FRMD5: variants seen among roughly 807,000 people sequenced by gnomAD.
The protein encoded by FRMD5 is FERM domain containing 5, also known as FERM domain-containing protein 5.
FRMD5 carries 20 observed loss-of-function variants against 69.0 expected under a neutral mutation model. The observed-to-expected ratio is 0.29, with a 90% CI of 0.20 to 0.42. FRMD5 has a LOEUF of 0.42. Ranked by LOEUF, FRMD5 falls within the 10% of genes least tolerant of loss-of-function variation. The pLI, the probability that FRMD5 is intolerant of heterozygous loss-of-function variation, is 1.00. For missense variants in FRMD5, 595 were observed against 708.6 expected (o/e 0.84, Z 1.82); for synonymous variants, 271 against 260.1 (o/e 1.04, Z -0.40).
rs184375142 is a variant in FRMD5 at position 44,127,113 on chromosome 15, C to G, written c.102+67840G>C. Among the ~76,000 whole-genome samples the G allele has an allele frequency of 1.6e-3, 239 of 152,258 alleles. 1 individual carries two copies. Among genetic ancestry groups the G allele is most frequent in the African/African-American group, 5.2e-3 (214 of 41,542 alleles). ...TAAACGTTCTTTTGAAATGGAGTCTCGCTCTGTCGCCCAGGCTTGAGTGCA... is the reference window on the plus strand; with the variant it reads ...TAAACGTTCTTTTGAAATGGAGTCTGGCTCTGTCGCCCAGGCTTGAGTGCA... On this transcript the variant is annotated intron_variant, in intron 1 of 13. Coordinates refer to ENST00000417257, the MANE Select transcript of FRMD5 (RefSeq NM_032892.5).
chr15:44,198,395 G>A (rs1382796531), upstream of FRMD5, among the ~76,000 whole-genome samples: 1 of 150,956 alleles, frequency 6.6e-6, no homozygotes, highest in Non-Finnish European at 1.5e-5. Flanking sequence ...CGAAAGACCA[G>A]TTAGATATTC....
At chr15:43,989,347 T>C in intron 1 of FRMD5, 1 of 784,838 alleles carries the variant, frequency 1.3e-6, no homozygotes, top group Non-Finnish European at 2.4e-6. Flanking sequence ...CATGATGGAG[T>C]TGAAGGTAGT....
rs998529755 is a variant in FRMD5, at chr15:44,194,942, G to T, written c.102+11C>A. 1.3e-6 allele frequency: 2 copies of T among 1,515,718 alleles called. No homozygotes were observed. Among genetic ancestry groups the T allele is most frequent in the Non-Finnish European group, 1.8e-6 (2 of 1,135,074 alleles). The allele number at this position is 1,515,718 out of a possible 1,614,324, so 93.9% of individuals were successfully genotyped here. On this transcript the variant is annotated intron_variant, in intron 1 of 13. Coordinates refer to ENST00000417257, the MANE Select transcript of FRMD5 (RefSeq NM_032892.5). ...GGTCCCGCGGGCGGGGCGGGGCGGCGCGGCGCTGACCTGGATGGTGCAGGT... is the reference window on the plus strand; with the variant it reads ...GGTCCCGCGGGCGGGGCGGGGCGGCTCGGCGCTGACCTGGATGGTGCAGGT...
At chr15:44,159,084 G>C (rs116275351) in intron 1 of FRMD5, among the ~76,000 whole-genome samples, 2,661 of 152,294 alleles carry the variant, frequency 0.017, 81 homozygotes, top group African/African-American at 0.061. Flanking sequence ...GATGGGAGCA[G>C]AGGAACAGGG....
chr15:43,931,599 T>G (rs532155272), intron 1 of FRMD5, among the ~76,000 whole-genome samples: 74 of 152,232 alleles, frequency 4.9e-4, no homozygotes, highest in Middle Eastern at 6.8e-3. Context: ...TTTTTTTTTT[T>G]GCAAAAGACA....
chr15:43,990,009 G>C, intron 1 of FRMD5: 1 of 914,168 alleles, frequency 1.1e-6, no homozygotes, highest in East Asian at 2.5e-5. Context: ...TCTTGCTCTG[G>C]ACCTCGTTGC....
intron 7 of FRMD5, 197 bp downstream of exon 7, chr15:43,901,978 C>T (rs1056169595): frequency 1.2e-5 from 7 of 561,572 alleles, no homozygotes; most frequent in African/African-American, 1.9e-5. Context: ...GTTCCTCTGA[C>T]ATTGATGTGG....
In FRMD5 at chr15:43,962,957, A is replaced by G. The variant is rs35093130; in HGVS notation, c.103-38648T>C. Among the ~76,000 whole-genome samples the G allele has an allele frequency of 4.0e-3, 614 of 152,358 alleles. 3 individuals carry two copies. The highest frequency in any genetic ancestry group is 0.014 in the African/African-American group (566 of 41,574). ...AGACCTAAAACCATAAAAACCCTAG[A>G]AGAAAACGTAGGCAATACCATTCAG... is the stretch of plus-strand genomic sequence containing the variant. On this transcript the variant is annotated intron_variant, in intron 1 of 13. Transcript: ENST00000417257.
At chr15:44,185,124 G>C (rs1172011853) in intron 1 of FRMD5, among the ~76,000 whole-genome samples, 2 of 152,184 alleles carry the variant, frequency 1.3e-5, no homozygotes, top group African/African-American at 4.8e-5. Flanking sequence ...GATTAGCTGT[G>C]CTGCTTAGTT....
intron 1 of FRMD5, among the ~76,000 whole-genome samples, chr15:44,061,361 G>C (rs1336838113): frequency 1.3e-5 from 2 of 152,168 alleles, no homozygotes; most frequent in African/African-American, 4.8e-5. Flanking sequence ...GCTTAAAGTA[G>C]ACAAACTGTA....
intron 1 of FRMD5, among the ~76,000 whole-genome samples, chr15:44,191,330 T>C (rs1294276652): frequency 6.6e-6 from 1 of 152,208 alleles, no homozygotes; most frequent in Non-Finnish European, 1.5e-5. Context: ...GGCTCATGCC[T>C]GTAATCCCAG....
At chr15:43,924,820 G>C (rs2089554747) in intron 1 of FRMD5, among the ~76,000 whole-genome samples, 2 of 152,116 alleles carry the variant, frequency 1.3e-5, no homozygotes, top group African/African-American at 2.4e-5. Flanking sequence ...TCTCCGCACA[G>C]CAATGAGGGT....
intron 2 of FRMD5, among the ~76,000 whole-genome samples, chr15:43,922,853 G>A (rs1421210674): frequency 6.6e-6 from 1 of 152,026 alleles, no homozygotes; most frequent in Non-Finnish European, 1.5e-5. Flanking sequence ...TATTTTTAGT[G>A]GAGACGGGGT....
At chr15:43,980,866 CAG>C (rs1446226935) in intron 1 of FRMD5, among the ~76,000 whole-genome samples, 1 of 152,102 alleles carries the variant, frequency 6.6e-6, no homozygotes, top group Admixed American at 6.6e-5. Context: ...TTGAACAATG[CAG>C]GAGTTAGGGT....
intron 1 of FRMD5, among the ~76,000 whole-genome samples, chr15:44,016,488 C>T (rs931932864): frequency 2.3e-4 from 35 of 151,852 alleles, no homozygotes; most frequent in African/African-American, 8.5e-4. Context: ...TTTGGGAGGC[C>T]GAGGCAGGTG....
In FRMD5 at chr15:44,028,748, T is replaced by C. The variant is rs16958695; in HGVS notation, c.103-104439A>G. Among the ~76,000 whole-genome samples the C allele has an allele frequency of 7.8e-3, 1,181 of 152,244 alleles. 14 individuals carry two copies. The highest frequency in any genetic ancestry group is 0.028 in the African/African-American group (1,147 of 41,536). Reference sequence around the variant, plus strand: ...TACAGCCACATATTTCAGCCCTAAATGACAGCAGAACAAGCAGCACTAAAG... The same window carrying C: ...TACAGCCACATATTTCAGCCCTAAACGACAGCAGAACAAGCAGCACTAAAG... On this transcript the variant is annotated intron_variant, in intron 1 of 13. Coordinates refer to ENST00000417257, the MANE Select transcript of FRMD5 (RefSeq NM_032892.5).
intron 1 of FRMD5, among the ~76,000 whole-genome samples, chr15:44,081,843 A>C (rs1407276128): frequency 5.3e-5 from 8 of 151,942 alleles, no homozygotes; most frequent in African/African-American, 1.9e-4. Context: ...AATAGTGAAA[A>C]TTAACAGGTC....
intron 1 of FRMD5, among the ~76,000 whole-genome samples, chr15:44,089,109 TAGAA>T (rs1894323555): frequency 1.3e-5 from 2 of 152,208 alleles, no homozygotes; most frequent in Non-Finnish European, 2.9e-5. Context: ...ACTGATATAA[TAGAA>T]AGAATTTATC....
chr15:43,999,421 G>A (rs532108933), intron 1 of FRMD5, among the ~76,000 whole-genome samples: 2 of 152,146 alleles, frequency 1.3e-5, no homozygotes, highest in South Asian at 2.1e-4. Context: ...ACTGTTGTGC[G>A]ACCAATCTCC....
Sources: gnomAD v4.1 joint callset for allele counts (sites outside exome capture counted in the v4.1 genomes callset) on GRCh38, gnomAD v4.1.1 for gene constraint, MANE v1.5 for transcripts, NCBI Gene and HGNC (gene_info 2026-07-23, HGNC 2026-07-21) for gene names.